PCDH11X: variants seen among roughly 807,000 people sequenced by gnomAD.
PCDH11X encodes protocadherin 11 X-linked, also known as protocadherin-11 X-linked.
A neutral mutation model predicts 53.3 loss-of-function variants in PCDH11X; 18 were observed. The ratio of observed to expected loss-of-function variants is 0.34; its 90% confidence interval spans 0.23 to 0.50. The LOEUF is 0.50. PCDH11X is among the 20% of genes least tolerant of loss of function. The probability of loss-of-function intolerance (pLI) is 0.98; values close to 1 mark genes in which losing one functional copy is unlikely to be tolerated. For synonymous variants in PCDH11X, 279 were observed against 393.3 expected (o/e 0.71, Z 3.44); for missense variants, 570 against 1,032.4 (o/e 0.55, Z 6.14).
chrX:91,896,135 T>C (rs963765952), intron 6 of PCDH11X, among the ~76,000 whole-genome samples: 1 of 108,422 alleles, frequency 9.2e-6, no homozygotes, highest in Non-Finnish European at 1.9e-5. Context: ...GTAATAAATA[T>C]ATTTTTTGAG....
intron 10 of PCDH11X, among the ~76,000 whole-genome samples, chrX:92,543,053 C>A (rs1322773767): frequency 2.8e-5 from 3 of 108,505 alleles, no homozygotes; most frequent in Non-Finnish European, 3.8e-5. Context: ...TATAACACCA[C>A]TCACTTCCAC....
intron 6 of PCDH11X, among the ~76,000 whole-genome samples, chrX:91,951,679 G>T (rs1171407615): frequency 1.9e-5 from 2 of 104,695 alleles, no homozygotes; most frequent in East Asian, 6.0e-4. Flanking sequence ...TCTAGTTATT[G>T]CAGTCCAACA....
intron 10 of PCDH11X, among the ~76,000 whole-genome samples, chrX:92,552,640 C>T (rs1398757233): frequency 2.7e-5 from 3 of 110,296 alleles, no homozygotes; most frequent in Non-Finnish European, 5.7e-5. Flanking sequence ...TTCCATTTTT[C>T]CCCATTCAGT....
At chrX:92,460,159 G>A in intron 9 of PCDH11X, 2 of 979,756 alleles carry the variant, frequency 2.0e-6, no homozygotes, top group Admixed American at 2.2e-5. Context: ...TGACTTTAGA[G>A]TCAAGTATGA....
intron 8 of PCDH11X, among the ~76,000 whole-genome samples, chrX:92,312,739 T>G (rs2068977780): frequency 8.9e-6 from 1 of 112,074 alleles, no homozygotes; most frequent in Admixed American, 9.5e-5. Context: ...AAGTGAATGC[T>G]GTTTGAAAAG....
At chrX:92,018,626 G>A (rs1169337130) in intron 6 of PCDH11X, among the ~76,000 whole-genome samples, 1 of 112,372 alleles carries the variant, frequency 8.9e-6, no homozygotes, top group Non-Finnish European at 1.9e-5. Context: ...AACACCAGTT[G>A]TATTAATATA....
At chrX:92,303,722 C>G (rs968266411) in intron 8 of PCDH11X, among the ~76,000 whole-genome samples, 10 of 111,648 alleles carry the variant, frequency 9.0e-5, no homozygotes, top group Non-Finnish European at 1.3e-4. Context: ...ACATCCCATT[C>G]TCATTTTAAA....
At chrX:91,803,712 C>A (rs1416411183) in intron 1 of PCDH11X, among the ~76,000 whole-genome samples, 2 of 111,321 alleles carry the variant, frequency 1.8e-5, no homozygotes, top group African/African-American at 6.5e-5. Context: ...TAGCACAGTT[C>A]TTGGCATGTA....
At chrX:91,861,657 A>G (rs1175773288) in intron 5 of PCDH11X, among the ~76,000 whole-genome samples, 1 of 112,043 alleles carries the variant, frequency 8.9e-6, no homozygotes, top group Non-Finnish European at 1.9e-5. Flanking sequence ...GGTCCAACCC[A>G]AACGGCTGCT....
chrX:91,796,559 A>G (rs1935741516), intron 1 of PCDH11X, among the ~76,000 whole-genome samples: 1 of 111,365 alleles, frequency 9.0e-6, no homozygotes, highest in Non-Finnish European at 1.9e-5. Context: ...AAAAATTGTC[A>G]ATATCATTTT....
At chrX:92,107,263 C>T (rs1004612620) in intron 6 of PCDH11X, among the ~76,000 whole-genome samples, 2 of 111,861 alleles carry the variant, frequency 1.8e-5, no homozygotes, top group African/African-American at 6.5e-5. Context: ...CCCTGACCAC[C>T]CTGGGCATAT....
At chrX:91,917,321 C>G (rs1941597017) in intron 6 of PCDH11X, among the ~76,000 whole-genome samples, 1 of 105,973 alleles carries the variant, frequency 9.4e-6, no homozygotes, top group Non-Finnish European at 1.9e-5. Flanking sequence ...ATCAATCAGA[C>G]AAGATAAAGG....
intron 9 of PCDH11X, among the ~76,000 whole-genome samples, chrX:92,424,227 A>T (rs2072053158): frequency 2.5e-5 from 2 of 79,321 alleles, no homozygotes; most frequent in African/African-American, 3.9e-5. Flanking sequence ...TATTTTCCTG[A>T]GTGTTTTTAT....
chrX:92,373,315 G>C (rs1348977635), intron 8 of PCDH11X, among the ~76,000 whole-genome samples: 2 of 111,330 alleles, frequency 1.8e-5, no homozygotes, highest in Non-Finnish European at 3.8e-5. Flanking sequence ...ATTGGGTAGA[G>C]TTGTGACTAA....
intron 6 of PCDH11X, among the ~76,000 whole-genome samples, chrX:92,162,163 A>AGATCTG (rs1467520151): frequency 1.3e-4 from 13 of 98,266 alleles, no homozygotes; most frequent in African/African-American, 5.0e-4. Flanking sequence ...ATCGGAGGGA[A>AGATCTG]GATCTGGGGC....
At chrX:91,961,593 C>T (rs1194425976) in intron 6 of PCDH11X, among the ~76,000 whole-genome samples, 4 of 109,849 alleles carry the variant, frequency 3.6e-5, no homozygotes, top group South Asian at 7.7e-4. Flanking sequence ...AATGAATAAA[C>T]GAATTCAGTA....
At chrX:92,283,585 C>T (rs1046881144) in intron 8 of PCDH11X, among the ~76,000 whole-genome samples, 11 of 111,563 alleles carry the variant, frequency 9.9e-5, no homozygotes, top group Middle Eastern at 4.3e-3. Flanking sequence ...TGGTTTTCTC[C>T]GTAATTCCAC....
intron 6 of PCDH11X, among the ~76,000 whole-genome samples, chrX:92,180,035 T>G (rs1259685494): frequency 8.9e-6 from 1 of 112,026 alleles, no homozygotes; most frequent in East Asian, 2.8e-4. Context: ...ACTGGGTAAT[T>G]TATGAAGACA....
At chrX:91,815,060 A>C (rs1364370411) in intron 4 of PCDH11X, among the ~76,000 whole-genome samples, 1 of 111,113 alleles carries the variant, frequency 9.0e-6, no homozygotes, top group African/African-American at 3.3e-5. Flanking sequence ...CACAATTGTT[A>C]ACCCTGTTTT....
Sources: allele counts gnomAD v4.1 joint callset (sites outside exome capture counted in the v4.1 genomes callset), GRCh38; gene constraint gnomAD v4.1.1; transcripts MANE v1.5; gene names NCBI Gene and HGNC (gene_info 2026-07-23, HGNC 2026-07-21).